Variants in CLCN3 observed in about 807,000 individuals in gnomAD.
CLCN3 encodes the protein Cl-/H+ antiporter 3, also known as H(+)/Cl(-) exchange transporter 3.
CLCN3 carries 16 observed loss-of-function variants against 83.4 expected under a neutral mutation model. The ratio of observed to expected loss-of-function variants is 0.19; its 90% CI spans 0.13 to 0.29. CLCN3 has a LOEUF of 0.29. Ranked by LOEUF, CLCN3 falls within the 10% of genes least tolerant of loss-of-function variation. CLCN3 has a pLI of 1.00. For synonymous variants in CLCN3, 322 were observed against 346.2 expected (o/e 0.93, Z 0.78); for missense variants, 544 against 1,006.0 (o/e 0.54, Z 6.21).
rs963215159 is a variant in CLCN3, at chr4:169,720,841, G to A, written c.*844G>A. On this transcript the variant is annotated 3_prime_UTR_variant, in exon 13 of 13. Transcript: ENST00000513761. Reference sequence around the variant, plus strand: ...GAAAACAATGAAGCTTGGTTTTAAAGGATAAAGTTTTCTTTTTTGTTTTCC... The same window carrying A: ...GAAAACAATGAAGCTTGGTTTTAAAAGATAAAGTTTTCTTTTTTGTTTTCC... 1 of 152,592 alleles carries A rather than the reference G, an allele frequency of 6.6e-6. No individual in the cohort carries two copies. Among genetic ancestry groups the A allele is most frequent in the African/African-American group, 2.4e-5 (1 of 41,434 alleles). The allele number at this position is 152,592 out of a possible 1,614,324, so 9.5% of individuals were successfully genotyped here.
chr4:169,694,207 A>G (rs1341066761), intron 7 of CLCN3, among the ~76,000 whole-genome samples: 2 of 152,206 alleles, frequency 1.3e-5, no homozygotes, highest in African/African-American at 4.8e-5. Flanking sequence ...CTTTTAATTC[A>G]CCAAACTTTT....
At chr4:169,627,486 C>T (rs897582311) in intron 1 of CLCN3, among the ~76,000 whole-genome samples, 2 of 152,168 alleles carry the variant, frequency 1.3e-5, no homozygotes, top group Admixed American at 1.3e-4. Flanking sequence ...GTCACCTTCA[C>T]TGCCTTAGGA....
chr4:169,659,856 C>G (rs1214855411), intron 2 of CLCN3, among the ~76,000 whole-genome samples: 1 of 152,086 alleles, frequency 6.6e-6, no homozygotes, highest in Non-Finnish European at 1.5e-5. Flanking sequence ...ACCACACAAA[C>G]TTACTAGAGT....
rs769894833 is a variant in CLCN3, at chr4:169,717,815, A to G, written c.2367-2092A>G. Reference sequence around the variant, plus strand: ...AGGATTGTCTTGGGGATCATCACAAAGAAGAACATATTAGAGCATCTCGAG... The same window carrying G: ...AGGATTGTCTTGGGGATCATCACAAGGAAGAACATATTAGAGCATCTCGAG... On this transcript the variant is annotated intron_variant, in intron 12 of 12. Transcript: ENST00000513761. 2.5e-6 allele frequency: 4 copies of G among 1,612,896 alleles called. No homozygotes were observed. In the South Asian group the frequency reaches 4.4e-5, roughly 18 times the overall value.
At position 169,699,147 on chromosome 4, in the gene CLCN3, A is replaced by T. The variant is rs1732682877; in HGVS notation, c.1563+1413A>T. On this transcript the variant is annotated intron_variant, in intron 9 of 12. Transcript: ENST00000513761. ...AATTAAGTTATGGACATCTTTGATG[A>T]GCCATTATTCTGCCTCATACCAGTA... 3.3e-5 allele frequency among the ~76,000 whole-genome samples: 5 copies of T among 152,206 alleles called. No individual in the cohort carries two copies. In the South Asian group the frequency reaches 1.0e-3, roughly 31 times the overall value.
intron 12 of CLCN3, among the ~76,000 whole-genome samples, chr4:169,716,490 A>C (rs1733426675): frequency 6.6e-6 from 1 of 151,618 alleles, no homozygotes; most frequent in South Asian, 2.1e-4. Context: ...TGACTACAAC[A>C]ATAAAATCAA....
chr4:169,704,592 T>C (rs1005287589), intron 10 of CLCN3, among the ~76,000 whole-genome samples: 1 of 152,202 alleles, frequency 6.6e-6, no homozygotes, highest in Non-Finnish European at 1.5e-5. Flanking sequence ...AGGTTTACTT[T>C]GGTTCTGAAA....
intron 2 of CLCN3, among the ~76,000 whole-genome samples, chr4:169,665,026 T>C (rs1731194214): frequency 6.6e-6 from 1 of 152,216 alleles, no homozygotes; most frequent in East Asian, 1.9e-4. Context: ...GGTCATAAAA[T>C]GGATTTACTC....
At chr4:169,664,158 T>G (rs1446800864) in intron 2 of CLCN3, among the ~76,000 whole-genome samples, 1 of 152,084 alleles carries the variant, frequency 6.6e-6, no homozygotes, top group Non-Finnish European at 1.5e-5. Flanking sequence ...GTAGAGAGGG[T>G]AGTGTAGAAA....
At chr4:169,648,935 G>A (rs577693871) in intron 2 of CLCN3, among the ~76,000 whole-genome samples, 12 of 151,948 alleles carry the variant, frequency 7.9e-5, no homozygotes, top group Middle Eastern at 3.4e-3. Context: ...ACTGAGGCAC[G>A]AGAGTCGCTT....
intron 2 of CLCN3, among the ~76,000 whole-genome samples, chr4:169,646,372 C>T (rs1291445350): frequency 6.6e-6 from 1 of 152,128 alleles, no homozygotes; most frequent in Non-Finnish European, 1.5e-5. Context: ...ACCTCTGCCT[C>T]CCAGGTGGAG....
intron 12 of CLCN3, among the ~76,000 whole-genome samples, chr4:169,719,327 C>A (rs1045376307): frequency 6.6e-6 from 1 of 152,126 alleles, no homozygotes; most frequent in African/African-American, 2.4e-5. Context: ...CATGGTGGCA[C>A]ATGCCTGTAA....
chr4:169,652,955 G>C (rs1730769686), intron 2 of CLCN3, among the ~76,000 whole-genome samples: 2 of 152,110 alleles, frequency 1.3e-5, no homozygotes, highest in African/African-American at 4.8e-5. Flanking sequence ...TTACAGATTT[G>C]TAGAAGTTCT....
At chr4:169,675,741 A>G (rs1482109682) in intron 2 of CLCN3, among the ~76,000 whole-genome samples, 1 of 152,186 alleles carries the variant, frequency 6.6e-6, no homozygotes, top group Non-Finnish European at 1.5e-5. Context: ...TTGTTTATGT[A>G]TCTTTATTAT....
intron 10 of CLCN3, among the ~76,000 whole-genome samples, chr4:169,705,705 AAAGG>A (rs1201920064): frequency 6.6e-6 from 1 of 152,168 alleles, no homozygotes; most frequent in Non-Finnish European, 1.5e-5. Flanking sequence ...TAAAAAAACA[AAAGG>A]AAGAGCTTCA....
chr4:169,704,317 A>C, intron 10 of CLCN3, 133 bp downstream of exon 10: 1 of 711,524 alleles, frequency 1.4e-6, no homozygotes, highest in South Asian at 1.8e-5. Flanking sequence ...AGATGTTTTA[A>C]CAGATAAGAA....
intron 2 of CLCN3, among the ~76,000 whole-genome samples, chr4:169,660,852 T>A (rs1194268155): frequency 6.6e-6 from 1 of 152,212 alleles, no homozygotes; most frequent in Non-Finnish European, 1.5e-5. Flanking sequence ...ACCATTATAT[T>A]TTAGCTGCTG....
intron 12 of CLCN3, chr4:169,717,867 G>C: frequency 6.2e-7 from 1 of 1,605,096 alleles, no homozygotes; most frequent in Non-Finnish European, 8.5e-7. Context: ...TCGAACCCTT[G>C]GTGATTAGAT....
intron 10 of CLCN3, among the ~76,000 whole-genome samples, chr4:169,706,588 C>A (rs1024769224): frequency 6.6e-6 from 1 of 152,074 alleles, no homozygotes; most frequent in East Asian, 1.9e-4. Flanking sequence ...TTGTTTTAGT[C>A]GGTAAGCTTT....
Sources: allele counts gnomAD v4.1 joint callset (sites outside exome capture counted in the v4.1 genomes callset), GRCh38; gene constraint gnomAD v4.1.1; transcripts MANE v1.5; gene names NCBI Gene and HGNC (gene_info 2026-07-23, HGNC 2026-07-21).